Variants in EXOC3L2 observed in about 807,000 individuals in gnomAD.
EXOC3L2 encodes the protein exocyst complex component 3-like protein 2.
EXOC3L2 carries 17 observed loss-of-function variants against 44.4 expected under a neutral mutation model. The observed-to-expected ratio is 0.38, with a 90% CI of 0.26 to 0.57. The LOEUF (loss-of-function observed/expected upper bound fraction) is 0.57. Among genes scored for constraint, EXOC3L2 ranks in the 20% least tolerant of loss-of-function variants. The pLI, the probability that EXOC3L2 is intolerant of heterozygous loss-of-function variation, is 0.65. For missense variants in EXOC3L2, 541 were observed against 588.4 expected (o/e 0.92, Z 0.83); for synonymous variants, 256 against 253.7 (o/e 1.01, Z -0.09).
intron 6 of EXOC3L2, 28 bp from the exon 7 acceptor site, chr19:45,227,800 G>T (rs1568482323): frequency 1.3e-6 from 2 of 1,594,410 alleles, no homozygotes; most frequent in Non-Finnish European, 1.7e-6. Flanking sequence ...GACAGATAGG[G>T]CGCCACTGGG....
chr19:45,220,815 G>A (rs970444381), intron 8 of EXOC3L2, among the ~76,000 whole-genome samples: 4 of 151,700 alleles, frequency 2.6e-5, no homozygotes, highest in African/African-American at 9.7e-5. Flanking sequence ...GATGGGAGGA[G>A]ACGAGACTGA....
Position 45,227,686 on chromosome 19 carries a change from A to G in EXOC3L2, c.1559T>C (p.Leu520Pro). ...PDTYISKTIA[L>P]VNCGPPLRAL... ...CCTCAGTGGGGGGCCGCAGTTGACC[A>G]GGGCGATGGTCTTGCTGATATAGGT... Residue 520 changes from leucine to proline, a missense_variant, in exon 7 of 12, where the codon CTG (leucine) becomes CCG (proline). By Grantham distance (98) the Leu-to-Pro change is moderately conservative. Coordinates refer to ENST00000413988, the MANE Select transcript of EXOC3L2 (RefSeq NM_001382422.1). The G allele has an allele frequency of 6.2e-7, 1 of 1,612,458 alleles. No homozygotes were observed. The highest frequency in any genetic ancestry group is 1.7e-5 in the Admixed American group (1 of 59,818).
rs1758624904 is a variant in EXOC3L2 at position 45,234,273 on chromosome 19, C to A, written c.1077G>T (p.Trp359Cys). Residue 359 changes from tryptophan (W) to cysteine (C), a missense_variant, in exon 3 of 12, where the codon TGG (tryptophan) becomes TGT (cysteine). Physicochemically the swap from Trp to Cys is radical, Grantham distance 215. Coordinates refer to ENST00000413988, the MANE Select transcript of EXOC3L2 (RefSeq NM_001382422.1). The surrounding 1 kb of genome is among the most constrained non-coding windows in gnomAD (Gnocchi z 5.0). ...GCCTGCGACGGGCGGAGGCCCCCAG[C>A]CACTCGGCCAGGGCCCCGTGGTAGC... Reference protein sequence around the residue: ...LRGYHGALAEWLGASARRRLP... With the variant: ...LRGYHGALAECLGASARRRLP... The A allele has an allele frequency of 7.6e-6, 3 of 395,182 alleles. No individual in the cohort carries two copies. In the Admixed American group the frequency reaches 1.3e-4, roughly 17 times the overall value. 24.5% of individuals were successfully genotyped at this position (395,182 alleles called of 1,614,324 possible).
intron 1 of EXOC3L2, among the ~76,000 whole-genome samples, chr19:45,240,282 AATTT>A (rs565312801): frequency 1.2e-4 from 18 of 150,888 alleles, no homozygotes; most frequent in African/African-American, 2.4e-4. Flanking sequence ...TTAATTAATT[AATTT>A]ATTTATTTAT....
At position 45,231,098 on chromosome 19, in the gene EXOC3L2, T is replaced by TA. The variant is rs1342669711; in HGVS notation, c.1269+664dup. On this transcript the variant is annotated intron_variant, in intron 4 of 11. Coordinates refer to ENST00000413988, the MANE Select transcript of EXOC3L2 (RefSeq NM_001382422.1). ...AGGGAGACATCTGTAATTAAAAAAA[T>TA]AAAAAAGTATAATCCTCAATTTGAT... Among the ~76,000 whole-genome samples the TA allele has an allele frequency of 2.0e-5, 3 of 151,814 alleles. No homozygotes were observed. The East Asian group carries it at 5.8e-4, about 29-fold the overall frequency.
intron 8 of EXOC3L2, among the ~76,000 whole-genome samples, chr19:45,222,887 G>A (rs1969913324): frequency 6.6e-6 from 1 of 152,138 alleles, no homozygotes; most frequent in African/African-American, 2.4e-5. Context: ...AGAATTAAAC[G>A]AGCCGATACT....
At chr19:45,240,112 T>C (rs903439971) in intron 1 of EXOC3L2, among the ~76,000 whole-genome samples, 1 of 150,058 alleles carries the variant, frequency 6.7e-6, no homozygotes, top group Non-Finnish European at 1.5e-5. Flanking sequence ...ATTTTTTTTT[T>C]TTTTTTTTTT....
chr19:45,243,275 C>A (rs1222866085), intron 1 of EXOC3L2, among the ~76,000 whole-genome samples: 1 of 152,178 alleles, frequency 6.6e-6, no homozygotes, highest in Non-Finnish European at 1.5e-5. Context: ...TTTGTCACCA[C>A]GACAGGGTTC....
At chr19:45,236,465 CAAAAAAAAAAAAA>C (rs34024056) in intron 2 of EXOC3L2, among the ~76,000 whole-genome samples, 1 of 44,996 alleles carries the variant, frequency 2.2e-5, no homozygotes, top group African/African-American at 8.9e-5. Context: ...GACTCCATCT[CAAAAAAAAAAAAA>C]AAAAAAAAAA....
At position 45,238,130 on chromosome 19, in the gene EXOC3L2, A is replaced by T. The variant is rs556041279; in HGVS notation, c.523+393T>A. The stretch of plus-strand genomic sequence containing the variant: ...TCCAGCCTGGGCGACAGAGGCAAAA[A>T]AATAATAATAATAAAATAAATAAAA... On this transcript the variant is annotated intron_variant, in intron 2 of 11. Coordinates refer to ENST00000413988, the MANE Select transcript of EXOC3L2 (RefSeq NM_001382422.1). The surrounding 1 kb of genome is among the most constrained non-coding windows in gnomAD (Gnocchi z 5.5). Among the ~76,000 whole-genome samples the T allele has an allele frequency of 5.3e-5, 8 of 152,168 alleles. No homozygotes were observed. The highest frequency in any genetic ancestry group is 9.6e-5 in the African/African-American group (4 of 41,514).
At chr19:45,237,170 G>A (rs1294379636) in intron 2 of EXOC3L2, among the ~76,000 whole-genome samples, 1 of 152,018 alleles carries the variant, frequency 6.6e-6, no homozygotes, top group Non-Finnish European at 1.5e-5. Context: ...ACCAGTTGGG[G>A]GTTGCCATGG....
At position 45,213,161 on chromosome 19, in the gene EXOC3L2, G is replaced by A. The variant is rs1009215326; in HGVS notation, c.2317C>T (p.Arg773Cys). Residue 773 changes from arginine to cysteine, a missense_variant, in exon 12 of 12, where the codon CGC (arginine) becomes TGC (cysteine). Coordinates refer to ENST00000413988, the MANE Select transcript of EXOC3L2 (RefSeq NM_001382422.1). ...CTGGCCAGCCGGGAGAGGGGGAGGC[G>A]GCCCAGGAAGAGAGGGAGGCTGAGA... ...FCLSLPLFLG[R>C]LPLSRLARPS... The A allele has an allele frequency of 1.3e-5, 21 of 1,591,588 alleles. No homozygotes were observed. The highest frequency in any genetic ancestry group is 2.3e-5 in the South Asian group (2 of 88,840).
At chr19:45,220,840 A>G (rs1399358816) in intron 8 of EXOC3L2, among the ~76,000 whole-genome samples, 2 of 149,824 alleles carry the variant, frequency 1.3e-5, no homozygotes, top group African/African-American at 4.9e-5. Context: ...GAAATGATGG[A>G]GGAGGCTGGA....
intron 1 of EXOC3L2, among the ~76,000 whole-genome samples, chr19:45,241,477 C>CAAAAAAA (rs554632176): frequency 2.1e-5 from 2 of 94,850 alleles, no homozygotes; most frequent in African/African-American, 4.3e-5. Flanking sequence ...GACTCCATCT[C>CAAAAAAA]AAAAAAAAAA....
chr19:45,236,937 G>A (rs1208734792), intron 2 of EXOC3L2, among the ~76,000 whole-genome samples: 6 of 151,856 alleles, frequency 4.0e-5, no homozygotes, highest in East Asian at 1.9e-4. Flanking sequence ...CCCAGGAAGC[G>A]GAGGTTGCAG....
chr19:45,219,515 G>C (rs73568215), intron 8 of EXOC3L2, among the ~76,000 whole-genome samples: 1 of 151,910 alleles, frequency 6.6e-6, no homozygotes, highest in Non-Finnish European at 1.5e-5. Context: ...CACTTCCTAG[G>C]TCTGGTTGAG....
In EXOC3L2 at chr19:45,225,393, C is replaced by T. The variant is rs188147127; in HGVS notation, c.1584-480G>A. On this transcript the variant is annotated intron_variant, in intron 7 of 11. Transcript: ENST00000413988. ...ATGCCATTCTCCTGCCTCGGCCTTC[C>T]GAGTAGCTGGGACTACAGGCGCCCA... 4.5e-3 allele frequency among the ~76,000 whole-genome samples: 680 copies of T among 151,912 alleles called. 2 individuals are homozygous for T. The highest frequency in any genetic ancestry group is 7.8e-3 in the Non-Finnish European group (531 of 67,948).
rs528975748 is a variant in EXOC3L2, at chr19:45,238,820, G to A, written c.226C>T (p.Arg76Trp). Residue 76 changes from arginine (R) to tryptophan (W), a missense_variant, in exon 2 of 12, where the codon CGG becomes TGG. Transcript: ENST00000413988. The surrounding 1 kb of genome is among the most constrained non-coding windows in gnomAD (Gnocchi z 5.5). The part of the protein sequence containing the change: ...PFRLGWAPGR[R>W]AGSPGDGQPR... Reference sequence around the variant, plus strand: ...TGCCCATCCCCAGGGCTGCCTGCCCGCCGGCCCGGGGCCCAGCCCAGCCGG... The same window carrying A: ...TGCCCATCCCCAGGGCTGCCTGCCCACCGGCCCGGGGCCCAGCCCAGCCGG... 8.8e-5 allele frequency: 35 copies of A among 398,894 alleles called. 1 individual carries two copies. In the East Asian group the frequency reaches 8.9e-4, roughly 10 times the overall value. 24.7% of individuals were successfully genotyped at this position (398,894 alleles called of 1,614,324 possible).
chr19:45,226,361 G>A lies in EXOC3L2; in HGVS notation c.1583+1301C>T, dbSNP rs1314184774. Among the ~76,000 whole-genome samples, 3 of 152,174 alleles carry A rather than the reference G, an allele frequency of 2.0e-5. No homozygotes were observed. In the East Asian group the frequency reaches 5.8e-4, roughly 29 times the overall value. On this transcript the variant is annotated intron_variant, in intron 7 of 11. Coordinates refer to ENST00000413988, the MANE Select transcript of EXOC3L2 (RefSeq NM_001382422.1). The stretch of plus-strand genomic sequence containing the variant: ...TCATGCTTGTAATGCCAGCATTTTG[G>A]GAAGCTGAGGCAGGAGCATCACTTG...
Sources: gnomAD v4.1 joint callset for allele counts (sites outside exome capture counted in the v4.1 genomes callset) on GRCh38, gnomAD v4.1.1 for gene constraint, Gnocchi (gnomAD v3.1) non-coding constraint, MANE v1.5 for transcripts, NCBI Gene and HGNC (gene_info 2026-07-23, HGNC 2026-07-21) for gene names.